Variants in CAST observed in about 807,000 individuals in gnomAD.
CAST encodes calpastatin.
In CAST, 76 loss-of-function variants were observed where a neutral mutation model predicts 119.6. That is an observed-to-expected ratio of 0.64 (90% CI 0.53 to 0.77). The LOEUF (loss-of-function observed/expected upper bound fraction) is 0.77, where lower values mean the gene tolerates loss of function less well. Ranked by LOEUF, CAST falls within the 30% of genes least tolerant of loss-of-function variation. CAST has a pLI of 0.00. For missense variants in CAST, 953 were observed against 946.5 expected (o/e 1.01, Z -0.09); for synonymous variants, 319 against 331.6 (o/e 0.96, Z 0.41).
At chr5:96,547,602 C>G (rs1746042822) in intron 1 of CAST, among the ~76,000 whole-genome samples, 5 of 152,190 alleles carry the variant, frequency 3.3e-5, no homozygotes, top group African/African-American at 1.2e-4. Flanking sequence ...CACTTAGAAA[C>G]AATGTTTCAC....
intron 1 of CAST, among the ~76,000 whole-genome samples, chr5:96,646,177 C>G (rs60724441): frequency 1.3e-5 from 2 of 152,194 alleles, no homozygotes; most frequent in African/African-American, 4.8e-5. Context: ...CATCGTTGAA[C>G]TGGTGCAAAA....
At chr5:96,040,437 C>T in the CAST span, among the ~76,000 whole-genome samples, 3 of 152,132 alleles carry the variant, frequency 2.0e-5, no homozygotes, top group Admixed American at 6.6e-5. Context: ...GAGAGGGCAT[C>T]CTTGTCTTGT....
At chr5:96,331,418 C>T in the CAST span, among the ~76,000 whole-genome samples, 4 of 152,198 alleles carry the variant, frequency 2.6e-5, no homozygotes, top group African/African-American at 9.6e-5. Context: ...GAAACACAGG[C>T]AGAGCCTGTA....
At chr5:95,978,567 T>G in the CAST span, among the ~76,000 whole-genome samples, 1 of 152,238 alleles carries the variant, frequency 6.6e-6, no homozygotes, top group African/African-American at 2.4e-5. Context: ...ATGCATAGTT[T>G]GCAAACATTT....
At chr5:96,400,061 A>T in the CAST span, 7 of 1,614,186 alleles carry the variant, frequency 4.3e-6, no homozygotes, top group Non-Finnish European at 5.9e-6. Context: ...TAGCAAGCCA[A>T]ATCCAAATCG....
intron 2 of CAST, among the ~76,000 whole-genome samples, chr5:96,682,875 G>A (rs1400931290): frequency 6.6e-6 from 1 of 151,982 alleles, no homozygotes; most frequent in Non-Finnish European, 1.5e-5. Flanking sequence ...TTGCTAATGC[G>A]GCTTTTTTTA....
At chr5:96,233,830 T>A in the CAST span, among the ~76,000 whole-genome samples, 1 of 152,142 alleles carries the variant, frequency 6.6e-6, no homozygotes, top group Non-Finnish European at 1.5e-5. Flanking sequence ...AACAGAAACC[T>A]TATATCTTCG....
chr5:96,012,171 G>A, the CAST span, among the ~76,000 whole-genome samples: 6,120 of 152,214 alleles, frequency 0.04, 155 homozygotes, highest in Non-Finnish European at 0.06. Context: ...CCTGATTTAT[G>A]ACTATGGGTG....
At chr5:96,555,687 C>A (rs1030089149) in intron 1 of CAST, among the ~76,000 whole-genome samples, 17 of 152,194 alleles carry the variant, frequency 1.1e-4, no homozygotes, top group Middle Eastern at 6.8e-3. Flanking sequence ...GAGGGGTGCC[C>A]GCCATTGCCG....
the CAST span, among the ~76,000 whole-genome samples, chr5:96,034,907 C>G: frequency 1.3e-5 from 2 of 151,218 alleles, no homozygotes; most frequent in Admixed American, 6.6e-5. Flanking sequence ...CATTTAATGT[C>G]TCTAGGTTCA....
the CAST span, among the ~76,000 whole-genome samples, chr5:96,456,232 C>T: frequency 2.0e-5 from 3 of 152,162 alleles, no homozygotes; most frequent in Admixed American, 6.5e-5. Context: ...AAAAGCTAGA[C>T]ATCTAAATGT....
chr5:96,244,536 A>G, the CAST span, among the ~76,000 whole-genome samples: 1 of 152,192 alleles, frequency 6.6e-6, no homozygotes, highest in Non-Finnish European at 1.5e-5. Context: ...CACCAAAATT[A>G]TAGATACCGG....
the CAST span, among the ~76,000 whole-genome samples, chr5:96,190,744 T>C: frequency 6.6e-6 from 1 of 152,218 alleles, no homozygotes; most frequent in African/African-American, 2.4e-5. Flanking sequence ...TCAACCTTTT[T>C]TTAAATTCAG....
chr5:96,287,445 T>C, the CAST span, among the ~76,000 whole-genome samples: 10 of 152,270 alleles, frequency 6.6e-5, no homozygotes, highest in African/African-American at 2.4e-4. Context: ...AAATTTCACA[T>C]TCAAGTAACC....
upstream of CAST, among the ~76,000 whole-genome samples, chr5:96,522,140 G>A (rs80008366): frequency 0.016 from 2,405 of 152,022 alleles, 70 homozygotes; most frequent in African/African-American, 0.056. Context: ...ACTAGAGAAA[G>A]GTCAAACCTC....
the CAST span, among the ~76,000 whole-genome samples, chr5:96,301,964 C>A: frequency 0.018 from 2,712 of 152,246 alleles, 86 homozygotes; most frequent in African/African-American, 0.062. Context: ...GCGCTTCAAC[C>A]CCATGTTTCC....
the CAST span, among the ~76,000 whole-genome samples, chr5:96,506,366 A>G: frequency 1.3e-5 from 2 of 152,260 alleles, no homozygotes; most frequent in African/African-American, 4.8e-5. Context: ...CAGCTGATTA[A>G]GACAATTAAG....
the CAST span, among the ~76,000 whole-genome samples, chr5:96,518,079 C>T: frequency 9.9e-5 from 15 of 152,174 alleles, no homozygotes; most frequent in Non-Finnish European, 1.8e-4. Context: ...TTGGCAGAGC[C>T]CACATTCTTA....
chr5:96,384,462 G>A, the CAST span, among the ~76,000 whole-genome samples: 1 of 152,168 alleles, frequency 6.6e-6, no homozygotes, highest in East Asian at 1.9e-4. Flanking sequence ...TACGTGACTG[G>A]GTGAGTTCCC....
Sources: gnomAD v4.1 joint callset for allele counts (sites outside exome capture counted in the v4.1 genomes callset) on GRCh38, gnomAD v4.1.1 for gene constraint, MANE v1.5 for transcripts, NCBI Gene and HGNC (gene_info 2026-07-23, HGNC 2026-07-21) for gene names.